Variants in IL1RAPL2 observed in about 807,000 individuals in gnomAD.
IL1RAPL2 encodes interleukin 1 receptor accessory protein like 2, also known as X-linked interleukin-1 receptor accessory protein-like 2.
IL1RAPL2 carries 3 observed loss-of-function variants against 44.1 expected under a neutral mutation model. The observed-to-expected ratio is 0.07, with a 90% CI of 0.03 to 0.18. The LOEUF is 0.18. IL1RAPL2 is among the 10% of genes least tolerant of loss of function. The probability of loss-of-function intolerance (pLI) is 1.00; values close to 1 mark genes in which losing one functional copy is unlikely to be tolerated. For synonymous variants in IL1RAPL2, 181 were observed against 178.8 expected (o/e 1.01, Z -0.10); for missense variants, 391 against 496.4 (o/e 0.79, Z 2.02).
chrX:105,447,784 AAT>A lies in IL1RAPL2; in HGVS notation c.698-36521_698-36520del, dbSNP rs1381583425. Among the ~76,000 whole-genome samples, 5 of 88,969 alleles carry A rather than the reference AAT, an allele frequency of 5.6e-5. No individual in the cohort carries two copies. The East Asian group carries it at 1.0e-3, about 18-fold the overall frequency. The allele number at this position is 88,969 out of a possible 115,157, so 77.3% of individuals were successfully genotyped here. ...TGTAAATATATATAAATATATTAAA[AAT>A]ATATATAAATATATTATACATATAA... On this transcript the variant is annotated intron_variant, in intron 5 of 10. Transcript: ENST00000372582.
intron 8 of IL1RAPL2, among the ~76,000 whole-genome samples, chrX:105,747,514 GTGTA>G (rs1199870939): frequency 1.8e-3 from 89 of 49,884 alleles, no homozygotes; most frequent in African/African-American, 5.1e-3. Context: ...GTGTGTGTGT[GTGTA>G]TATATATATA....
chrX:105,337,794 G>C (rs2035039887), intron 5 of IL1RAPL2, among the ~76,000 whole-genome samples: 1 of 110,861 alleles, frequency 9.0e-6, no homozygotes, highest in African/African-American at 3.3e-5. Context: ...GGGAGGCTAA[G>C]GCAGGAGAAT....
chrX:105,498,731 A>G lies in IL1RAPL2; in HGVS notation c.772+14344A>G, dbSNP rs139638922. ...GAACAAAATTAAAAAAACAATAGAA[A>G]TAAACCCATGTATATTTGATCAAAT... On this transcript the variant is annotated intron_variant, in intron 6 of 10. Transcript: ENST00000372582. Among the ~76,000 whole-genome samples, 651 of 111,822 alleles carry G rather than the reference A, an allele frequency of 5.8e-3. 10 individuals carry two copies. Among genetic ancestry groups the G allele is most frequent in the African/African-American group, 0.02 (617 of 30,781 alleles).
chrX:105,743,638 GT>G (rs1409285743), intron 8 of IL1RAPL2, among the ~76,000 whole-genome samples: 1 of 110,821 alleles, frequency 9.0e-6, no homozygotes, highest in East Asian at 2.8e-4. Context: ...TTACATATTT[GT>G]TTGCTTCTTG....
intron 2 of IL1RAPL2, among the ~76,000 whole-genome samples, chrX:104,879,621 G>A (rs1437794357): frequency 2.7e-5 from 3 of 111,268 alleles, no homozygotes; most frequent in Non-Finnish European, 5.7e-5. Flanking sequence ...TTAAATTCTT[G>A]CCCTAAACCA....
At chrX:104,819,799 G>C (rs1300214850) in intron 2 of IL1RAPL2, among the ~76,000 whole-genome samples, 1 of 112,056 alleles carries the variant, frequency 8.9e-6, no homozygotes, top group South Asian at 3.7e-4. Flanking sequence ...CTGTTTGTGT[G>C]ATGTTATGTT....
At chrX:105,242,508 T>A (rs2034179479) in intron 4 of IL1RAPL2, among the ~76,000 whole-genome samples, 1 of 111,796 alleles carries the variant, frequency 8.9e-6, no homozygotes, top group South Asian at 3.7e-4. Context: ...TTTCTCCCGT[T>A]CAGTCTATCA....
At chrX:105,012,637 T>TCTCC (rs2031075257) in intron 2 of IL1RAPL2, among the ~76,000 whole-genome samples, 1 of 71,869 alleles carries the variant, frequency 1.4e-5, no homozygotes, top group Admixed American at 1.5e-4. Context: ...TCTCTCTCTC[T>TCTCC]CTCTCTCTCA....
chrX:104,762,822 C>G (rs1693295783), intron 2 of IL1RAPL2, among the ~76,000 whole-genome samples: 1 of 111,789 alleles, frequency 8.9e-6, no homozygotes, highest in Non-Finnish European at 1.9e-5. Context: ...ATGCAGGACA[C>G]CAAGTCCTGA....
At chrX:105,008,355 T>A (rs919841786) in intron 2 of IL1RAPL2, among the ~76,000 whole-genome samples, 1 of 111,176 alleles carries the variant, frequency 9.0e-6, no homozygotes, top group African/African-American at 3.3e-5. Context: ...TTAACATGAG[T>A]TTTTAAGTGA....
At chrX:104,631,832 G>A (rs142689589) in intron 1 of IL1RAPL2, among the ~76,000 whole-genome samples, 1,396 of 110,145 alleles carry the variant, frequency 0.013, 6 homozygotes, top group Non-Finnish European at 0.021. Context: ...CTGTGCAGAA[G>A]CTCTTTAGTT....
chrX:105,071,514 A>T (rs988088736), intron 2 of IL1RAPL2, among the ~76,000 whole-genome samples: 1 of 111,451 alleles, frequency 9.0e-6, no homozygotes, highest in Admixed American at 9.6e-5. Context: ...ATATACAAAA[A>T]AAAATCCTAA....
chrX:105,443,320 C>A (rs1335349233), intron 5 of IL1RAPL2, among the ~76,000 whole-genome samples: 4 of 111,269 alleles, frequency 3.6e-5, no homozygotes, highest in Non-Finnish European at 5.7e-5. Context: ...GATATCCACC[C>A]CTCCAGCATT....
At chrX:104,591,996 A>C (rs774159247) in intron 1 of IL1RAPL2, among the ~76,000 whole-genome samples, 12 of 110,244 alleles carry the variant, frequency 1.1e-4, no homozygotes, top group Admixed American at 2.0e-4. Context: ...TCCTGGGTAT[A>C]AATTAAGTTA....
chrX:105,155,018 T>A (rs2033257939), intron 2 of IL1RAPL2, among the ~76,000 whole-genome samples: 1 of 111,840 alleles, frequency 8.9e-6, no homozygotes, highest in Non-Finnish European at 1.9e-5. Flanking sequence ...AATCATCAAG[T>A]CCTGTTGATC....
In IL1RAPL2 at chrX:105,544,940, C is replaced by T. The variant is rs746758788; in HGVS notation, c.772+60553C>T. Among the ~76,000 whole-genome samples the T allele has an allele frequency of 2.3e-3, 261 of 111,146 alleles. 2 individuals are homozygous for T. Among genetic ancestry groups the T allele is most frequent in the African/African-American group, 8.3e-3 (253 of 30,647 alleles). ...AATATGAATCTTAATTAACGAGAAC[C>T]TCCTTCAGATTAATACTAACATAAT... is the stretch of plus-strand genomic sequence containing the variant. On this transcript the variant is annotated intron_variant, in intron 6 of 10. Coordinates refer to ENST00000372582, the MANE Select transcript of IL1RAPL2 (RefSeq NM_017416.2).
intron 2 of IL1RAPL2, among the ~76,000 whole-genome samples, chrX:104,745,206 T>C (rs973411324): frequency 1.8e-5 from 2 of 111,461 alleles, no homozygotes; most frequent in Admixed American, 1.9e-4. Context: ...CTTTACGTGC[T>C]TTATGCTGTG....
chrX:105,271,602 G>C lies in IL1RAPL2; in HGVS notation c.697+4061G>C, dbSNP rs2034446877. Among the ~76,000 whole-genome samples, 3 of 110,953 alleles carry C rather than the reference G, an allele frequency of 2.7e-5. No homozygotes were observed. The South Asian group carries it at 1.2e-3, about 43-fold the overall frequency. On this transcript the variant is annotated intron_variant, in intron 5 of 10. Transcript: ENST00000372582. ...GATAGAGTCTCTAGGGATAAGAAGA[G>C]AAAGTCTGCCTTAAGAAGGTCAAAG...
At chrX:105,557,385 C>T (rs1343930100) in intron 6 of IL1RAPL2, among the ~76,000 whole-genome samples, 1 of 111,600 alleles carries the variant, frequency 9.0e-6, no homozygotes, top group Non-Finnish European at 1.9e-5. Flanking sequence ...GTCTTTGACA[C>T]AAATATTACA....
Sources: gnomAD v4.1 joint callset for allele counts (sites outside exome capture counted in the v4.1 genomes callset) on GRCh38, gnomAD v4.1.1 for gene constraint, MANE v1.5 for transcripts, NCBI Gene and HGNC (gene_info 2026-07-23, HGNC 2026-07-21) for gene names.